Variants in AKAP19 observed in about 807,000 individuals in gnomAD.
AKAP19 encodes A-kinase anchoring protein 19.
At chr2:190,196,190 C>T in the AKAP19 span, among the ~76,000 whole-genome samples, 1 of 152,008 alleles carries the variant, frequency 6.6e-6, no homozygotes, top group Admixed American at 6.6e-5. Context: ...TTAAACGTAT[C>T]TAATTCCTTT....
At chr2:190,192,452 C>CTGTGTGTGTGTGTGTGTGTGTG in the AKAP19 span, among the ~76,000 whole-genome samples, 406 of 145,332 alleles carry the variant, frequency 2.8e-3, 2 homozygotes, top group African/African-American at 9.6e-3. Context: ...AATTCAGAAT[C>CTGTGTGTGTGTGTGTGTGTGTG]TGTGTGTGTG....
chr2:190,021,379 T>C, the AKAP19 span, among the ~76,000 whole-genome samples: 4 of 152,368 alleles, frequency 2.6e-5, no homozygotes, highest in South Asian at 2.1e-4. Flanking sequence ...GATTGTTTTG[T>C]TGTATTCCCT....
the AKAP19 span, among the ~76,000 whole-genome samples, chr2:190,078,405 C>A: frequency 6.6e-6 from 1 of 152,004 alleles, no homozygotes; most frequent in Non-Finnish European, 1.5e-5. Flanking sequence ...AAATAGAAGT[C>A]CCCTTAGAAT....
chr2:190,182,604 C>T, the AKAP19 span, among the ~76,000 whole-genome samples: 4 of 152,110 alleles, frequency 2.6e-5, no homozygotes, highest in Non-Finnish European at 4.4e-5. Flanking sequence ...TTTTATGTTT[C>T]CTTCCTTACC....
chr2:189,923,019 T>C, the AKAP19 span, among the ~76,000 whole-genome samples: 1 of 152,166 alleles, frequency 6.6e-6, no homozygotes, highest in South Asian at 2.1e-4. Flanking sequence ...GGTATGGCAG[T>C]GTACGCCTAT....
the AKAP19 span, among the ~76,000 whole-genome samples, chr2:190,098,758 G>A: frequency 6.6e-6 from 1 of 152,106 alleles, no homozygotes; most frequent in African/African-American, 2.4e-5. Context: ...CATCTACATT[G>A]AAAATCTGTT....
the AKAP19 span, among the ~76,000 whole-genome samples, chr2:190,118,623 A>G: frequency 1.3e-5 from 2 of 152,222 alleles, no homozygotes; most frequent in African/African-American, 4.8e-5. Context: ...AAACCACATG[A>G]TTATCTCAAT....
chr2:190,143,192 A>G, the AKAP19 span, among the ~76,000 whole-genome samples: 1 of 150,412 alleles, frequency 6.6e-6, no homozygotes, highest in Non-Finnish European at 1.5e-5. Context: ...TTATCAGCCC[A>G]TAGTCTCTAG....
chr2:190,175,610 A>T, the AKAP19 span, among the ~76,000 whole-genome samples: 1 of 151,906 alleles, frequency 6.6e-6, no homozygotes. Flanking sequence ...AAACTAAAGA[A>T]TTTTTTTCTT....
chr2:190,066,376 G>C, the AKAP19 span, among the ~76,000 whole-genome samples: 16 of 152,116 alleles, frequency 1.1e-4, no homozygotes, highest in Non-Finnish European at 2.2e-4. Flanking sequence ...GTAAAGACTT[G>C]CCGGAAGTTT....
chr2:190,148,829 T>A, the AKAP19 span, among the ~76,000 whole-genome samples: 2 of 152,234 alleles, frequency 1.3e-5, no homozygotes, highest in South Asian at 4.1e-4. Flanking sequence ...TTATCTTTTG[T>A]ATTTCAGTGG....
the AKAP19 span, among the ~76,000 whole-genome samples, chr2:190,041,922 AT>A: frequency 1.3e-4 from 20 of 151,806 alleles, no homozygotes; most frequent in Non-Finnish European, 2.8e-4. Flanking sequence ...GTTTGCAAGT[AT>A]TTTTTTTAAG....
At chr2:189,923,890 G>C in the AKAP19 span, 40 of 1,611,104 alleles carry the variant, frequency 2.5e-5, no homozygotes, top group Non-Finnish European at 3.4e-5. Context: ...CCATTAAGAG[G>C]GAGCTGACCC....
the AKAP19 span, among the ~76,000 whole-genome samples, chr2:190,164,791 G>C: frequency 1.3e-5 from 2 of 152,028 alleles, no homozygotes; most frequent in Non-Finnish European, 2.9e-5. Flanking sequence ...GGCTAAAAAA[G>C]AATAAAAATA....
the AKAP19 span, among the ~76,000 whole-genome samples, chr2:190,011,953 C>T: frequency 5.3e-5 from 8 of 151,502 alleles, no homozygotes; most frequent in Admixed American, 2.6e-4. Flanking sequence ...CATTGTTTTT[C>T]CTATTTTTTT....
the AKAP19 span, among the ~76,000 whole-genome samples, chr2:190,104,465 A>T: frequency 6.6e-6 from 1 of 152,224 alleles, no homozygotes; most frequent in African/African-American, 2.4e-5. Flanking sequence ...TCCAGAATCT[A>T]TAAGGAATTT....
At chr2:189,886,119 A>G in the AKAP19 span, among the ~76,000 whole-genome samples, 12 of 152,108 alleles carry the variant, frequency 7.9e-5, no homozygotes, top group African/African-American at 2.2e-4. Flanking sequence ...TAAATGTTCT[A>G]GTATTAATTT....
the AKAP19 span, among the ~76,000 whole-genome samples, chr2:190,163,465 A>AAC: frequency 0.038 from 5,720 of 151,682 alleles, 273 homozygotes; most frequent in African/African-American, 0.11. Context: ...CAAAAAAAAA[A>AAC]AAAACTGAGT....
the AKAP19 span, among the ~76,000 whole-genome samples, chr2:190,195,998 G>C: frequency 1.6e-5 from 2 of 123,456 alleles, no homozygotes; most frequent in Non-Finnish European, 1.6e-5. Flanking sequence ...AGCACTCGTT[G>C]AAAAGACTAT....
Sources: gnomAD v4.1 joint callset for allele counts (sites outside exome capture counted in the v4.1 genomes callset) on GRCh38, gnomAD v4.1.1 for gene constraint, MANE v1.5 for transcripts, NCBI Gene and HGNC (gene_info 2026-07-23, HGNC 2026-07-21) for gene names.